CFAP61: variants seen among roughly 807,000 people sequenced by gnomAD.
CFAP61 encodes cilia and flagella associated protein 61.
CFAP61 carries 107 observed loss-of-function variants against 135.6 expected under a neutral mutation model. That is an observed-to-expected ratio of 0.79 (90% CI 0.67 to 0.93). The LOEUF (loss-of-function observed/expected upper bound fraction) is 0.93. Ranked by LOEUF, CFAP61 falls within the 40% of genes least tolerant of loss-of-function variation. The probability of loss-of-function intolerance (pLI) is 0.00; values close to 1 mark genes in which losing one functional copy is unlikely to be tolerated. For synonymous variants in CFAP61, 575 were observed against 578.5 expected, an observed-to-expected ratio of 0.99 and a Z score of 0.09; for missense variants, 1,507 against 1,556.2, an observed-to-expected ratio of 0.97 and a Z score of 0.53.
At chr20:20,187,774 G>A (rs955193040) in intron 13 of CFAP61, among the ~76,000 whole-genome samples, 156 bp from the exon 14 acceptor site, 11 of 152,214 alleles carry the variant, frequency 7.2e-5, no homozygotes, top group African/African-American at 2.6e-4. Context: ...ATAATGAAAT[G>A]AGTTACTTTT....
Position 20,277,341 on chromosome 20 carries a change from C to G in CFAP61, c.2679C>G (p.Ala893=), listed in dbSNP as rs772522238. ...CCGTGGCGGACGCGCTAGGAGCCGC[C>G]GGAGTCACTATGTACCGGGATGCGA... ...ESAVADALGA[A]GVTMYRDAIL... Residue 893 remains alanine (A), a synonymous_variant, in exon 22 of 27, where the codon GCC becomes GCG. Transcript: ENST00000245957. The G allele has an allele frequency of 3.1e-6, 5 of 1,614,176 alleles. No individual in the cohort carries two copies. The highest frequency in any genetic ancestry group is 4.2e-6 in the Non-Finnish European group (5 of 1,180,020).
intron 2 of CFAP61, among the ~76,000 whole-genome samples, chr20:20,061,633 A>G (rs2044803638): frequency 6.6e-6 from 1 of 152,224 alleles, no homozygotes; most frequent in South Asian, 2.1e-4. Context: ...CTTTAAACTT[A>G]TATGCTTCTA....
chr20:20,300,378 G>A (rs1313376870), intron 25 of CFAP61, among the ~76,000 whole-genome samples: 1 of 152,176 alleles, frequency 6.6e-6, no homozygotes, highest in African/African-American at 2.4e-5. Flanking sequence ...AGCTCCACGT[G>A]TGTTATTGCC....
intron 17 of CFAP61, among the ~76,000 whole-genome samples, chr20:20,215,548 A>G (rs1433932107): frequency 6.6e-6 from 1 of 152,016 alleles, no homozygotes; most frequent in Non-Finnish European, 1.5e-5. Flanking sequence ...TACTCAGGGG[A>G]TTTTGTTGGT....
intron 8 of CFAP61, among the ~76,000 whole-genome samples, chr20:20,126,569 T>C (rs1389413266): frequency 6.6e-6 from 1 of 151,948 alleles, no homozygotes; most frequent in Non-Finnish European, 1.5e-5. Flanking sequence ...TTATAGGGTT[T>C]CTGCTGAGAA....
intron 19 of CFAP61, among the ~76,000 whole-genome samples, chr20:20,247,479 C>T (rs1480278195): frequency 6.6e-6 from 1 of 152,228 alleles, no homozygotes; most frequent in African/African-American, 2.4e-5. Context: ...GGAAAGCTGG[C>T]TCAGATCACA....
intron 2 of CFAP61, among the ~76,000 whole-genome samples, chr20:20,067,346 G>A (rs1342969471): frequency 1.3e-5 from 2 of 152,244 alleles, no homozygotes; most frequent in Non-Finnish European, 2.9e-5. Flanking sequence ...AGTTTGGGAG[G>A]TTGAGGTGGG....
chr20:20,182,834 A>G (rs2055204936), intron 13 of CFAP61, among the ~76,000 whole-genome samples: 1 of 152,230 alleles, frequency 6.6e-6, no homozygotes, highest in Non-Finnish European at 1.5e-5. Context: ...GCAAAACCAC[A>G]TACTGTGAAA....
intron 13 of CFAP61, among the ~76,000 whole-genome samples, chr20:20,175,701 T>A (rs927530550): frequency 2.0e-5 from 3 of 151,860 alleles, no homozygotes; most frequent in Non-Finnish European, 2.9e-5. Context: ...TAAATTTTTT[T>A]TTTTTATTTT....
intron 6 of CFAP61, among the ~76,000 whole-genome samples, chr20:20,090,161 A>G (rs2146614109): frequency 6.6e-6 from 1 of 152,186 alleles, no homozygotes; most frequent in African/African-American, 2.4e-5. Flanking sequence ...GCTTCCCTGC[A>G]TCCCACACCC....
chr20:20,147,040 G>C (rs1250621352), intron 9 of CFAP61, among the ~76,000 whole-genome samples: 1 of 152,092 alleles, frequency 6.6e-6, no homozygotes, highest in Non-Finnish European at 1.5e-5. Flanking sequence ...TAGAATAATG[G>C]CCTCCAGCTC....
chr20:20,221,699 A>T (rs1234298017), intron 17 of CFAP61: 2 of 152,158 alleles, frequency 1.3e-5, no homozygotes, highest in Non-Finnish European at 2.9e-5. Flanking sequence ...ACACAGCTTC[A>T]TCTCCTTGTC....
At chr20:20,144,324 A>C (rs1200887057) in intron 9 of CFAP61, among the ~76,000 whole-genome samples, 2 of 152,244 alleles carry the variant, frequency 1.3e-5, no homozygotes. Context: ...ACATTAGAAC[A>C]GTTATCATAA....
Position 20,264,135 on chromosome 20 carries a change from C to T in CFAP61, c.2503+1005C>T, listed in dbSNP as rs76537505. ...ACATTCAACATTTTAAAATGAGTAT[C>T]AAAGGGCATTCAGTGCGTTGCTGGA... On this transcript the variant is annotated intron_variant, in intron 21 of 26. Transcript: ENST00000245957. Among the ~76,000 whole-genome samples, 252 of 152,240 alleles carry T rather than the reference C, an allele frequency of 1.7e-3. 8 individuals carry two copies. The East Asian group carries it at 0.038, about 23-fold the overall frequency.
intron 6 of CFAP61, chr20:20,085,599 G>T (rs1412373437): frequency 9.3e-7 from 1 of 1,074,612 alleles, no homozygotes; most frequent in Non-Finnish European, 1.3e-6. Context: ...TAGGGCTCTG[G>T]GTCTTTCGGA....
chr20:20,353,254 G>GA (rs1489640466), intron 26 of CFAP61, among the ~76,000 whole-genome samples: 1 of 152,064 alleles, frequency 6.6e-6, no homozygotes, highest in African/African-American at 2.4e-5. Flanking sequence ...TCAAAGATCA[G>GA]AAAAAAACAA....
At chr20:20,085,578 A>G in intron 6 of CFAP61, 7 of 1,280,326 alleles carry the variant, frequency 5.5e-6, no homozygotes, top group Non-Finnish European at 7.4e-6. Context: ...GCTGAGGTTC[A>G]TGAGCAGGCC....
chr20:20,200,899 G>A lies in CFAP61; in HGVS notation c.1932+997G>A, dbSNP rs1329554683. ...TCAGAGGCAGCTTTGCGGGTGCACT[G>A]AGGGATGGGGAGGGCACCTCCATCA... On this transcript the variant is annotated intron_variant, in intron 17 of 26. Transcript: ENST00000245957. 3.0e-6 allele frequency: 3 copies of A among 985,202 alleles called. No homozygotes were observed. In the African/African-American group the frequency reaches 5.2e-5, roughly 17 times the overall value. 61.0% of individuals were successfully genotyped at this position (985,202 alleles called of 1,614,324 possible). A position where few individuals can be genotyped will look rare whatever the true frequency, so the allele number is the denominator to read the frequency against.
At chr20:20,189,483 T>C (rs1187738553) in intron 14 of CFAP61, among the ~76,000 whole-genome samples, 1 of 123,368 alleles carries the variant, frequency 8.1e-6, no homozygotes, top group Non-Finnish European at 1.8e-5. Context: ...TATGTACTTA[T>C]GATCTGTACT....
Sources: gnomAD v4.1 joint callset for allele counts (sites outside exome capture counted in the v4.1 genomes callset) on GRCh38, gnomAD v4.1.1 for gene constraint, MANE v1.5 for transcripts, NCBI Gene and HGNC (gene_info 2026-07-23, HGNC 2026-07-21) for gene names.